PPP1R9A: variants seen among roughly 807,000 people sequenced by gnomAD.
PPP1R9A encodes protein phosphatase 1 regulatory subunit 9A.
PPP1R9A carries 59 observed loss-of-function variants against 141.9 expected under a neutral mutation model. That is an observed-to-expected ratio of 0.42 (90% CI 0.34 to 0.52). The LOEUF (loss-of-function observed/expected upper bound fraction) is 0.52. PPP1R9A is among the 20% of genes least tolerant of loss of function. The pLI is 0.10. For synonymous variants in PPP1R9A, 500 were observed against 569.7 expected (o/e 0.88, Z 1.74); for missense variants, 1,444 against 1,611.9 (o/e 0.90, Z 1.78).
At chr7:95,243,467 G>A (rs1428083832) in intron 8 of PPP1R9A, among the ~76,000 whole-genome samples, 4 of 152,124 alleles carry the variant, frequency 2.6e-5, no homozygotes, top group African/African-American at 9.7e-5. Flanking sequence ...AGCTGATTGA[G>A]CACCATTTTG....
intron 2 of PPP1R9A, among the ~76,000 whole-genome samples, chr7:95,100,601 A>G (rs1039419768): frequency 3.3e-5 from 5 of 152,092 alleles, no homozygotes; most frequent in African/African-American, 1.2e-4. Flanking sequence ...GAAGAAACAC[A>G]TGAGAGGTAG....
chr7:94,989,534 A>G (rs984509277), intron 2 of PPP1R9A, among the ~76,000 whole-genome samples: 2 of 152,090 alleles, frequency 1.3e-5, no homozygotes, highest in African/African-American at 4.8e-5. Context: ...CTCGAAGTCA[A>G]TGAAAAGCTA....
At chr7:95,006,761 G>C (rs986120968) in intron 2 of PPP1R9A, among the ~76,000 whole-genome samples, 1 of 152,136 alleles carries the variant, frequency 6.6e-6, no homozygotes, top group Non-Finnish European at 1.5e-5. Context: ...GTCTCCTGGA[G>C]GTGAGACAGG....
At chr7:94,962,964 G>A (rs918697230) in intron 2 of PPP1R9A, among the ~76,000 whole-genome samples, 5 of 151,996 alleles carry the variant, frequency 3.3e-5, no homozygotes, top group African/African-American at 9.7e-5. Context: ...GTTCATACAT[G>A]CTTTATCAGT....
At chr7:95,203,224 GT>G (rs1335748713) in intron 6 of PPP1R9A, among the ~76,000 whole-genome samples, 2 of 151,870 alleles carry the variant, frequency 1.3e-5, no homozygotes, top group African/African-American at 4.8e-5. Context: ...CATGGGTATG[GT>G]TTTTTATTGC....
chr7:95,262,112 A>C (rs1284062792), intron 12 of PPP1R9A, among the ~76,000 whole-genome samples: 1 of 152,168 alleles, frequency 6.6e-6, no homozygotes, highest in Non-Finnish European at 1.5e-5. Context: ...TTTGATTGAG[A>C]AACTGATTAG....
intron 2 of PPP1R9A, among the ~76,000 whole-genome samples, chr7:95,086,172 G>A (rs1474346249): frequency 6.6e-6 from 1 of 151,888 alleles, no homozygotes; most frequent in Admixed American, 6.6e-5. Context: ...TTCCTCAATT[G>A]TTAACATCTT....
intron 5 of PPP1R9A, among the ~76,000 whole-genome samples, chr7:95,184,803 C>CT (rs1220585653): frequency 2.0e-5 from 3 of 151,966 alleles, no homozygotes; most frequent in African/African-American, 7.2e-5. Context: ...TATTTTCTTC[C>CT]TTTTTATAGC....
At chr7:95,056,289 T>C (rs1811487630) in intron 2 of PPP1R9A, among the ~76,000 whole-genome samples, 1 of 152,168 alleles carries the variant, frequency 6.6e-6, no homozygotes, top group Non-Finnish European at 1.5e-5. Flanking sequence ...ATTTGGTATT[T>C]TTCTTGTAAT....
In PPP1R9A at chr7:95,290,163, G is replaced by C. The variant is rs1806143807; in HGVS notation, c.3985G>C (p.Glu1329Gln). The change falls in exon 20 of 20, where the codon GAG becomes CAG. Residue 1329 changes from glutamate to glutamine, a missense_variant. Glu to Gln is a conservative substitution (Grantham distance 29). Around this residue, in one of 5 missense-constraint regions of PPP1R9A, gnomAD observed 459 missense variants for 513.8 expected, o/e 0.89. Transcript: ENST00000433360. ...ACTCAAGGAAATGAAGATGTCTCTA[G>C]AGAAGGCTCGGAAGGCCCAAGAGAA... Reference protein sequence around the residue: ...KKLKEMKMSLEKARKAQEKME... With the variant: ...KKLKEMKMSLQKARKAQEKME... 1.9e-6 allele frequency: 3 copies of C among 1,614,052 alleles called. No individual in the cohort carries two copies. In the African/African-American group the frequency reaches 4.0e-5, roughly 22 times the overall value.
intron 2 of PPP1R9A, among the ~76,000 whole-genome samples, chr7:95,084,077 A>C (rs1816288084): frequency 6.6e-6 from 1 of 152,080 alleles, no homozygotes; most frequent in African/African-American, 2.4e-5. Flanking sequence ...AAGTTCTTAA[A>C]AAATTGTTCA....
intron 5 of PPP1R9A, among the ~76,000 whole-genome samples, chr7:95,188,150 A>G (rs1489301982): frequency 6.6e-6 from 1 of 152,080 alleles, no homozygotes; most frequent in Non-Finnish European, 1.5e-5. Context: ...ATTGTTTTAT[A>G]AATTTAGGAG....
chr7:95,217,436 T>G (rs1011013287), intron 7 of PPP1R9A, among the ~76,000 whole-genome samples: 18 of 152,268 alleles, frequency 1.2e-4, no homozygotes, highest in South Asian at 4.1e-4. Flanking sequence ...TCTCTTTTTT[T>G]TTGTTGTGTC....
intron 12 of PPP1R9A, among the ~76,000 whole-genome samples, chr7:95,255,511 C>T (rs1007921713): frequency 1.3e-5 from 2 of 151,988 alleles, no homozygotes; most frequent in East Asian, 1.9e-4. Flanking sequence ...TTTTGAACAC[C>T]GAAAACCTGC....
intron 2 of PPP1R9A, among the ~76,000 whole-genome samples, chr7:95,047,376 A>C (rs1810174472): frequency 1.3e-5 from 2 of 152,064 alleles, no homozygotes; most frequent in Admixed American, 6.6e-5. Context: ...AAAATCTATC[A>C]TTTTCTAACT....
At chr7:94,980,238 A>T (rs1290111575) in intron 2 of PPP1R9A, among the ~76,000 whole-genome samples, 1 of 151,842 alleles carries the variant, frequency 6.6e-6, no homozygotes, top group African/African-American at 2.4e-5. Context: ...AAAGTTTACG[A>T]ATTTGTGTTG....
intron 2 of PPP1R9A, among the ~76,000 whole-genome samples, chr7:95,059,554 T>A (rs930550431): frequency 2.6e-5 from 4 of 152,206 alleles, no homozygotes; most frequent in Non-Finnish European, 5.9e-5. Flanking sequence ...TAAACATATG[T>A]CCCAAAATAG....
At chr7:95,056,955 A>G (rs1317872675) in intron 2 of PPP1R9A, among the ~76,000 whole-genome samples, 4 of 152,136 alleles carry the variant, frequency 2.6e-5, no homozygotes, top group Non-Finnish European at 4.4e-5. Flanking sequence ...TTCAAGTTAT[A>G]TATAAGAATA....
intron 2 of PPP1R9A, among the ~76,000 whole-genome samples, chr7:95,100,916 G>A (rs1170170187): frequency 7.1e-6 from 1 of 140,862 alleles, no homozygotes; most frequent in Admixed American, 7.7e-5. Flanking sequence ...GCAGTGGCGG[G>A]ATCTCGGCTC....
Sources: allele counts gnomAD v4.1 joint callset (sites outside exome capture counted in the v4.1 genomes callset), GRCh38; gene constraint gnomAD v4.1.1; regional missense constraint gnomAD v4.1.1; transcripts MANE v1.5; gene names NCBI Gene and HGNC (gene_info 2026-07-23, HGNC 2026-07-21).